Variants in SPAG16 observed in about 807,000 individuals in gnomAD.
SPAG16 encodes the protein sperm associated antigen 16, also known as sperm-associated antigen 16 protein.
In SPAG16, 86 loss-of-function variants were observed where a neutral mutation model predicts 80.4. The ratio of observed to expected loss-of-function variants is 1.07; its 90% CI spans 0.90 to 1.28. The LOEUF (loss-of-function observed/expected upper bound fraction) is 1.28. SPAG16 is among the 50% of genes most tolerant of loss of function. SPAG16 has a pLI of 0.00. For missense variants in SPAG16, 870 were observed against 765.3 expected (o/e 1.14, Z -1.61); for synonymous variants, 294 against 265.9 (o/e 1.11, Z -1.03).
chr2:213,675,694 G>A (rs1175675761), intron 10 of SPAG16, among the ~76,000 whole-genome samples: 1 of 152,052 alleles, frequency 6.6e-6, no homozygotes, highest in Non-Finnish European at 1.5e-5. Context: ...TCAGATAGTT[G>A]TAGATTTGTG....
Position 213,748,874 on chromosome 2 carries a change from C to T in SPAG16, c.1071-113611C>T, listed in dbSNP as rs546700311. On this transcript the variant is annotated intron_variant, in intron 10 of 15. Coordinates refer to ENST00000331683, the MANE Select transcript of SPAG16 (RefSeq NM_024532.5). The stretch of plus-strand genomic sequence containing the variant: ...TGTTAAAAAGCCTCTCAGGGTGGGG[C>T]GTGGTGGCACACGTCTGTAATCCTA... Among the ~76,000 whole-genome samples, 22 of 152,202 alleles carry T rather than the reference C, an allele frequency of 1.4e-4. 1 individual carries two copies. In the South Asian group the frequency reaches 4.6e-3, roughly 32 times the overall value.
chr2:213,432,626 A>G (rs764598085), intron 9 of SPAG16, among the ~76,000 whole-genome samples: 7 of 152,250 alleles, frequency 4.6e-5, no homozygotes, highest in Non-Finnish European at 2.9e-5. Context: ...ATAAAAGCCC[A>G]GGAGAAGATA....
chr2:213,851,719 T>C (rs1296173808), intron 10 of SPAG16, among the ~76,000 whole-genome samples: 1 of 152,140 alleles, frequency 6.6e-6, no homozygotes, highest in Non-Finnish European at 1.5e-5. Context: ...GCAAGGCATA[T>C]ACAATATGTA....
chr2:213,367,057 G>A (rs1162396288), intron 8 of SPAG16, among the ~76,000 whole-genome samples: 1 of 152,084 alleles, frequency 6.6e-6, no homozygotes, highest in African/African-American at 2.4e-5. Flanking sequence ...CTGTCCTTGA[G>A]ATAGTTGGCT....
intron 10 of SPAG16, among the ~76,000 whole-genome samples, chr2:213,575,816 C>T (rs1367838327): frequency 2.0e-5 from 3 of 152,116 alleles, no homozygotes; most frequent in African/African-American, 7.2e-5. Context: ...ATCCATTTTA[C>T]CAATCTCTGT....
intron 10 of SPAG16, among the ~76,000 whole-genome samples, chr2:213,528,080 A>G (rs2075951127): frequency 6.6e-6 from 1 of 152,162 alleles, no homozygotes; most frequent in South Asian, 2.1e-4. Flanking sequence ...GACTTTGAAA[A>G]TATAACAGAA....
At chr2:213,693,404 C>T (rs114162277) in intron 10 of SPAG16, among the ~76,000 whole-genome samples, 13 of 152,344 alleles carry the variant, frequency 8.5e-5, no homozygotes, top group African/African-American at 2.6e-4. Context: ...CCTCAGCACA[C>T]TGACGCTTCA....
intron 3 of SPAG16, among the ~76,000 whole-genome samples, chr2:213,302,292 C>T (rs772187944): frequency 8.6e-5 from 13 of 151,634 alleles, no homozygotes; most frequent in Non-Finnish European, 1.8e-4. Context: ...AGTTAAAAGC[C>T]GTAATGAGAG....
At chr2:214,013,160 C>T (rs894895084) in intron 12 of SPAG16, among the ~76,000 whole-genome samples, 2 of 148,054 alleles carry the variant, frequency 1.4e-5, no homozygotes, top group Middle Eastern at 3.5e-3. Flanking sequence ...GGGCTTGAGA[C>T]TGGGTATGAG....
chr2:213,412,226 A>T (rs987793387), intron 9 of SPAG16, among the ~76,000 whole-genome samples: 1 of 151,962 alleles, frequency 6.6e-6, no homozygotes, highest in African/African-American at 2.4e-5. Flanking sequence ...CAAAGCACTC[A>T]CCCTGTCATT....
intron 10 of SPAG16, among the ~76,000 whole-genome samples, chr2:213,538,749 T>G (rs563443919): frequency 6.6e-6 from 1 of 152,302 alleles, no homozygotes; most frequent in African/African-American, 2.4e-5. Flanking sequence ...CAAAAAATAC[T>G]ATTTACCATT....
chr2:213,435,606 G>T (rs2125504660), intron 9 of SPAG16, among the ~76,000 whole-genome samples: 1 of 152,074 alleles, frequency 6.6e-6, no homozygotes, highest in East Asian at 1.9e-4. Flanking sequence ...AAAGCAAAGG[G>T]ATAAAAGAAT....
chr2:214,109,578 G>A (rs1294277515), intron 14 of SPAG16, among the ~76,000 whole-genome samples: 2 of 152,124 alleles, frequency 1.3e-5, no homozygotes, highest in Non-Finnish European at 2.9e-5. Flanking sequence ...GAGGAAAAAT[G>A]CTCACTAAAA....
intron 14 of SPAG16, among the ~76,000 whole-genome samples, chr2:214,140,647 T>A (rs962903987): frequency 6.6e-6 from 1 of 152,060 alleles, no homozygotes; most frequent in Non-Finnish European, 1.5e-5. Flanking sequence ...TTATTAGTTA[T>A]ACCTTGTGGC....
intron 10 of SPAG16, among the ~76,000 whole-genome samples, chr2:213,522,562 T>A (rs2075719141): frequency 6.6e-6 from 1 of 152,094 alleles, no homozygotes; most frequent in Non-Finnish European, 1.5e-5. Flanking sequence ...CCTGGAGGAA[T>A]ATGACCTTAT....
chr2:213,960,021 C>T (rs894396505), intron 12 of SPAG16, among the ~76,000 whole-genome samples: 1 of 152,162 alleles, frequency 6.6e-6, no homozygotes, highest in Non-Finnish European at 1.5e-5. Flanking sequence ...TCCCACAATA[C>T]TTGTCTGCTT....
chr2:214,297,365 C>T (rs1694210108), intron 15 of SPAG16, among the ~76,000 whole-genome samples: 1 of 152,038 alleles, frequency 6.6e-6, no homozygotes, highest in Non-Finnish European at 1.5e-5. Context: ...AGGTCTTAGT[C>T]ATAAATTCTT....
intron 15 of SPAG16, among the ~76,000 whole-genome samples, chr2:214,276,845 T>A (rs1692504431): frequency 6.6e-6 from 1 of 152,220 alleles, no homozygotes; most frequent in Admixed American, 6.5e-5. Context: ...CCTGCCTTAC[T>A]AGGTTGGGGG....
At chr2:213,906,971 C>T (rs1353007772) in intron 11 of SPAG16, among the ~76,000 whole-genome samples, 1 of 152,098 alleles carries the variant, frequency 6.6e-6, no homozygotes, top group East Asian at 1.9e-4. Flanking sequence ...GTGGGTAAGA[C>T]TTAAAAAGCG....
Sources: allele counts gnomAD v4.1 joint callset (sites outside exome capture counted in the v4.1 genomes callset), GRCh38; gene constraint gnomAD v4.1.1; transcripts MANE v1.5; gene names NCBI Gene and HGNC (gene_info 2026-07-23, HGNC 2026-07-21).